The following IKZF3 variants were observed in gnomAD, a reference collection of about 807,000 sequenced individuals.
IKZF3 encodes IKAROS family zinc finger 3, also known as zinc finger protein Aiolos.
In IKZF3, 10 loss-of-function variants were observed where a neutral mutation model predicts 49.0. That is an observed-to-expected ratio of 0.20 (90% confidence interval 0.13 to 0.35). The LOEUF (loss-of-function observed/expected upper bound fraction) is 0.35. IKZF3 is among the 10% of genes least tolerant of loss of function. The pLI, the probability that IKZF3 is intolerant of heterozygous loss-of-function variation, is 1.00. For synonymous variants in IKZF3, 209 were observed against 228.2 expected (o/e 0.92, Z 0.76); for missense variants, 498 against 664.8 (o/e 0.75, Z 2.76).
At chr17:39,840,387 G>C (rs1047530885) in intron 1 of IKZF3, among the ~76,000 whole-genome samples, 1 of 152,142 alleles carries the variant, frequency 6.6e-6, no homozygotes, top group African/African-American at 2.4e-5. Flanking sequence ...AAAACAGGCT[G>C]CTTTTGGTCA....
intron 3 of IKZF3, among the ~76,000 whole-genome samples, chr17:39,794,812 T>C (rs1479122974): frequency 6.6e-6 from 1 of 152,214 alleles, no homozygotes; most frequent in African/African-American, 2.4e-5. Context: ...TTTATTTTTT[T>C]AAGAGAAGGA....
chr17:39,842,568 A>T (rs1248387409), intron 1 of IKZF3, among the ~76,000 whole-genome samples: 1 of 152,218 alleles, frequency 6.6e-6, no homozygotes, highest in African/African-American at 2.4e-5. Context: ...AATCTGGGAC[A>T]AGGGAGCATA....
Position 39,760,099 on chromosome 17 carries a change from T to C in IKZF3, c.*5691A>G, listed in dbSNP as rs1050229187. The C allele has an allele frequency of 1.3e-5, 2 of 152,116 alleles. No homozygotes were observed. Among genetic ancestry groups the C allele is most frequent in the African/African-American group, 2.4e-5 (1 of 41,424 alleles). 9.4% of individuals were successfully genotyped at this position (152,116 alleles called of 1,614,324 possible). On this transcript the variant is annotated 3_prime_UTR_variant, in exon 8 of 8. Coordinates refer to ENST00000346872, the MANE Select transcript of IKZF3 (RefSeq NM_012481.5). ...TAAAGTGAGGACTTAAACATTTCCA[T>C]TGTGGTCTTATCACCTGGGATTATA...
intron 1 of IKZF3, among the ~76,000 whole-genome samples, chr17:39,855,402 A>G (rs1004556518): frequency 6.6e-6 from 1 of 152,162 alleles, no homozygotes; most frequent in Non-Finnish European, 1.5e-5. Flanking sequence ...CCTAATATCA[A>G]CTTGTTCAGT....
At chr17:39,855,510 A>C (rs2063012864) in intron 1 of IKZF3, among the ~76,000 whole-genome samples, 1 of 152,220 alleles carries the variant, frequency 6.6e-6, no homozygotes, top group Non-Finnish European at 1.5e-5. Flanking sequence ...CTAAGTCCAT[A>C]CTAGGTCATT....
At chr17:39,842,441 A>C (rs2062505192) in intron 1 of IKZF3, among the ~76,000 whole-genome samples, 1 of 152,226 alleles carries the variant, frequency 6.6e-6, no homozygotes, top group South Asian at 2.1e-4. Context: ...AGGCATGAGA[A>C]TTGAAAGTAT....
chr17:39,846,478 G>A (rs904606430), intron 1 of IKZF3, among the ~76,000 whole-genome samples: 2 of 138,760 alleles, frequency 1.4e-5, no homozygotes, highest in African/African-American at 5.3e-5. Context: ...GTTTTTTTAA[G>A]ATACCAAGGT....
At chr17:39,777,265 G>T (rs1024064010) in intron 7 of IKZF3, among the ~76,000 whole-genome samples, 9 of 152,198 alleles carry the variant, frequency 5.9e-5, no homozygotes, top group African/African-American at 2.2e-4. Flanking sequence ...GTTTGAGCAT[G>T]CTAACGAACC....
At chr17:39,832,050 T>C (rs2062123541) in intron 2 of IKZF3, 48 bp downstream of exon 2, 1 of 1,264,096 alleles carries the variant, frequency 7.9e-7, no homozygotes, top group African/African-American at 1.6e-5. Context: ...CTCTTTGGTA[T>C]TTTTTTTAGT....
At chr17:39,769,267 C>T (rs543122449) in intron 7 of IKZF3, among the ~76,000 whole-genome samples, 12 of 152,228 alleles carry the variant, frequency 7.9e-5, no homozygotes, top group South Asian at 4.1e-4. Flanking sequence ...TTGTGGTTAA[C>T]GTAACAGCAA....
At chr17:39,772,634 C>T (rs2060473715) in intron 7 of IKZF3, among the ~76,000 whole-genome samples, 1 of 152,060 alleles carries the variant, frequency 6.6e-6, no homozygotes, top group Admixed American at 6.6e-5. Flanking sequence ...GTGGGGGTGG[C>T]ACTGGGGAAA....
At chr17:39,807,890 G>A (rs964402132) in intron 3 of IKZF3, among the ~76,000 whole-genome samples, 4 of 152,036 alleles carry the variant, frequency 2.6e-5, no homozygotes, top group Non-Finnish European at 5.9e-5. Flanking sequence ...CAAGAATGGG[G>A]ATCAACTACA....
At chr17:39,817,576 C>G (rs993203633) in intron 3 of IKZF3, among the ~76,000 whole-genome samples, 13 of 152,108 alleles carry the variant, frequency 8.5e-5, no homozygotes, top group African/African-American at 3.1e-4. Context: ...GTAGCTGGGA[C>G]TACAGTCTTG....
intron 1 of IKZF3, chr17:39,835,423 C>T: frequency 2.1e-6 from 1 of 471,040 alleles, no homozygotes; most frequent in Non-Finnish European, 4.2e-6. Flanking sequence ...CAGGGAAGCC[C>T]TCTGGCCTTT....
At chr17:39,798,796 C>T (rs949297762) in intron 3 of IKZF3, among the ~76,000 whole-genome samples, 3 of 152,160 alleles carry the variant, frequency 2.0e-5, no homozygotes, top group Admixed American at 6.5e-5. Context: ...TGAGCCACTG[C>T]GCCTGGCCAC....
chr17:39,832,948 A>G (rs2062156144), intron 1 of IKZF3, among the ~76,000 whole-genome samples: 1 of 152,188 alleles, frequency 6.6e-6, no homozygotes, highest in African/African-American at 2.4e-5. Context: ...CTTGATTATT[A>G]TATATTCTAT....
chr17:39,842,310 C>T (rs2062500697), intron 1 of IKZF3, among the ~76,000 whole-genome samples: 1 of 152,216 alleles, frequency 6.6e-6, no homozygotes, highest in African/African-American at 2.4e-5. Flanking sequence ...TGAGGCCCGC[C>T]TCAGCCTCAA....
At position 39,792,208 on chromosome 17, in the gene IKZF3, T is replaced by G. The variant is rs1270689379; in HGVS notation, c.424+465A>C. On this transcript the variant is annotated intron_variant, in intron 4 of 7. Coordinates refer to ENST00000346872, the MANE Select transcript of IKZF3 (RefSeq NM_012481.5). Reference sequence around the variant, plus strand: ...AATCGACTGGCTCAAGTGCGATGGTTGTGTTTGTATGCATTTCTATAGACT... The same window carrying G: ...AATCGACTGGCTCAAGTGCGATGGTGGTGTTTGTATGCATTTCTATAGACT... 7.2e-5 allele frequency among the ~76,000 whole-genome samples: 11 copies of G among 152,240 alleles called. No homozygotes were observed. In the East Asian group the frequency reaches 2.1e-3, roughly 29 times the overall value.
chr17:39,788,184 G>A (rs1598008221), intron 6 of IKZF3, 74 bp downstream of exon 6: 5 of 853,162 alleles, frequency 5.9e-6, no homozygotes, highest in Middle Eastern at 2.2e-4. Context: ...AACTCCACGA[G>A]TCTTTTTACT....
Sources: allele counts gnomAD v4.1 joint callset (sites outside exome capture counted in the v4.1 genomes callset), GRCh38; gene constraint gnomAD v4.1.1; transcripts MANE v1.5; gene names NCBI Gene and HGNC (gene_info 2026-07-23, HGNC 2026-07-21).